Variants in RNF149 observed in about 807,000 individuals in gnomAD.
RNF149 encodes the protein E3 ubiquitin-protein ligase RNF149.
In RNF149, 21 loss-of-function variants were observed where a neutral mutation model predicts 39.0. The ratio of observed to expected loss-of-function variants is 0.54; its 90% CI spans 0.38 to 0.77. The LOEUF is 0.77. Ranked by LOEUF, RNF149 falls within the 30% of genes least tolerant of loss-of-function variation. The pLI is 0.00. For synonymous variants in RNF149, 209 were observed against 213.6 expected (o/e 0.98, Z 0.19); for missense variants, 493 against 534.9 (o/e 0.92, Z 0.77).
chr2:101,289,139 A>G, intron 3 of RNF149, 84 bp from the exon 4 acceptor site: 1 of 761,846 alleles, frequency 1.3e-6, no homozygotes, highest in Non-Finnish European at 2.2e-6. Context: ...GACTAAAACA[A>G]TGACGAATTC....
intron 1 of RNF149, among the ~76,000 whole-genome samples, chr2:101,298,142 T>G (rs1183771619): frequency 6.6e-6 from 1 of 152,192 alleles, no homozygotes; most frequent in Non-Finnish European, 1.5e-5. Flanking sequence ...TATAAAGATT[T>G]ACTGTTGGCC....
In RNF149 at chr2:101,293,579, T is replaced by C. The variant is rs112408185; in HGVS notation, c.780+435A>G. On this transcript the variant is annotated intron_variant, in intron 3 of 6. Coordinates refer to ENST00000295317, the MANE Select transcript of RNF149 (RefSeq NM_173647.4). ...CAAAAGTAGTTTTAAAAACATCTTT[T>C]CCCCCCTCCAGAAATGCCAACATTT... Among the ~76,000 whole-genome samples, 194 of 152,260 alleles carry C rather than the reference T, an allele frequency of 1.3e-3. 1 individual carries two copies. Among genetic ancestry groups the C allele is most frequent in the African/African-American group, 4.5e-3 (188 of 41,556 alleles).
chr2:101,275,109 C>CTTTTT (rs1323054424), downstream of RNF149, among the ~76,000 whole-genome samples: 2 of 82,446 alleles, frequency 2.4e-5, no homozygotes, highest in Non-Finnish European at 4.7e-5. Flanking sequence ...CCTAGTATTT[C>CTTTTT]TGTTTTTTTT....
chr2:101,283,250 T>C (rs1185647994), intron 5 of RNF149, among the ~76,000 whole-genome samples: 4 of 152,184 alleles, frequency 2.6e-5, no homozygotes, highest in Admixed American at 2.0e-4. Flanking sequence ...GTCATGTCTG[T>C]ATGCGTGCCC....
chr2:101,300,381 G>C (rs1341106213), intron 1 of RNF149, among the ~76,000 whole-genome samples: 1 of 152,190 alleles, frequency 6.6e-6, no homozygotes, highest in Non-Finnish European at 1.5e-5. Context: ...TCAAGGCTGG[G>C]GGTGGGGGAA....
At chr2:101,273,475 T>TC (rs568654661), downstream of RNF149, 924 of 393,762 alleles carry the variant, frequency 2.3e-3, 4 homozygotes, top group South Asian at 0.019. Flanking sequence ...AATATTTGTT[T>TC]CTTTTTTTTT....
At chr2:101,288,903 T>G in intron 4 of RNF149, 70 bp downstream of exon 4, 1 of 748,406 alleles carries the variant, frequency 1.3e-6, no homozygotes, top group Non-Finnish European at 2.3e-6. Flanking sequence ...AAAAAACAAA[T>G]AACTATTTTG....
Position 101,295,083 on chromosome 2 carries a change from C to A in RNF149, c.559G>T (p.Val187Phe), listed in dbSNP as rs779459091. 4 of 1,614,072 alleles carry A rather than the reference C, an allele frequency of 2.5e-6. No homozygotes were observed. The highest frequency in any genetic ancestry group is 2.7e-5 in the African/African-American group (2 of 74,922). Residue 187 changes from valine (V) to phenylalanine (F), a missense_variant, in exon 2 of 7, where the codon GTT (valine) becomes TTT (phenylalanine). Physicochemically the swap from Val to Phe is conservative, Grantham distance 50. Coordinates refer to ENST00000295317, the MANE Select transcript of RNF149 (RefSeq NM_173647.4). The stretch of plus-strand genomic sequence containing the variant: ...AACTCCTGTACATGCCGGGTGCCAA[C>A]CCCTATGGTCATCGTTACTGGAATT... ...KGIPVTMTIG[V>F]GTRHVQEFIS...
At chr2:101,278,077 T>C (rs558708379) in intron 6 of RNF149, among the ~76,000 whole-genome samples, 1 of 152,338 alleles carries the variant, frequency 6.6e-6, no homozygotes, top group South Asian at 2.1e-4. Context: ...AAAAGGCTCT[T>C]AGAATAGAAT....
chr2:101,289,489 G>C (rs1307372458), intron 3 of RNF149, among the ~76,000 whole-genome samples: 1 of 152,018 alleles, frequency 6.6e-6, no homozygotes, highest in Non-Finnish European at 1.5e-5. Flanking sequence ...GGCGGATCAT[G>C]GGGTCAGGAG....
At chr2:101,275,434 T>A (rs1441691611), downstream of RNF149, among the ~76,000 whole-genome samples, 10 of 70,210 alleles carry the variant, frequency 1.4e-4, no homozygotes, top group East Asian at 4.4e-3. Context: ...AGTATTTCTT[T>A]TTTTTTTTTT....
intron 6 of RNF149, among the ~76,000 whole-genome samples, chr2:101,279,601 A>T (rs992721493): frequency 2.0e-5 from 3 of 152,246 alleles, no homozygotes; most frequent in African/African-American, 7.2e-5. Context: ...TACCAAGGGA[A>T]CATGCTGCTT....
At chr2:101,286,262 C>T (rs1682789370) in intron 4 of RNF149, 85 bp from the exon 5 acceptor site, 1 of 730,592 alleles carries the variant, frequency 1.4e-6, no homozygotes, top group Admixed American at 2.3e-5. Context: ...ACCAACTCAT[C>T]CTCTCATTAC....
intron 1 of RNF149, among the ~76,000 whole-genome samples, chr2:101,303,556 A>G (rs1280900005): frequency 6.6e-6 from 1 of 152,114 alleles, no homozygotes; most frequent in African/African-American, 2.4e-5. Flanking sequence ...CAAACTGCAC[A>G]CCCCTCTCAA....
chr2:101,305,700 G>T (rs1187441066), intron 1 of RNF149, among the ~76,000 whole-genome samples: 10 of 152,114 alleles, frequency 6.6e-5, no homozygotes, highest in African/African-American at 2.4e-4. Context: ...CATGGGGTGA[G>T]GGGGGTATGA....
rs1207462117 is a variant in RNF149 at position 101,276,719 on chromosome 2, T to C, written c.*519A>G. On this transcript the variant is annotated 3_prime_UTR_variant, in exon 7 of 7. Coordinates refer to ENST00000295317, the MANE Select transcript of RNF149 (RefSeq NM_173647.4). ...CAGGTTTTGAAATCTTCACATACAC[T>C]ACAGATGGGCAAAAAAGCTACAGAC... 1 of 988,286 alleles carries C rather than the reference T, an allele frequency of 1.0e-6. No homozygotes were observed. Among genetic ancestry groups the C allele is most frequent in the Non-Finnish European group, 1.2e-6 (1 of 831,714 alleles). The allele number at this position is 988,286 out of a possible 1,614,324, so 61.2% of individuals were successfully genotyped here. A position where few individuals can be genotyped will look rare whatever the true frequency, so the allele number is the denominator to read the frequency against.
intron 1 of RNF149, among the ~76,000 whole-genome samples, chr2:101,307,681 GA>G (rs1459642693): frequency 6.6e-6 from 1 of 152,118 alleles, no homozygotes; most frequent in Non-Finnish European, 1.5e-5. Flanking sequence ...AGAAAGTGAA[GA>G]AACCAGAGTG....
At chr2:101,280,297 T>C (rs1682530841) in intron 6 of RNF149, among the ~76,000 whole-genome samples, 1 of 152,108 alleles carries the variant, frequency 6.6e-6, no homozygotes, top group Admixed American at 6.6e-5. Flanking sequence ...AAACATATTA[T>C]TTGCAATTAT....
At chr2:101,281,325 G>C (rs756959910) in intron 6 of RNF149, among the ~76,000 whole-genome samples, 1 of 152,040 alleles carries the variant, frequency 6.6e-6, no homozygotes, top group South Asian at 2.1e-4. Context: ...GATATTCACC[G>C]ACCCTTAAAC....
Sources: gnomAD v4.1 joint callset for allele counts (sites outside exome capture counted in the v4.1 genomes callset) on GRCh38, gnomAD v4.1.1 for gene constraint, MANE v1.5 for transcripts, NCBI Gene and HGNC (gene_info 2026-07-23, HGNC 2026-07-21) for gene names.